Variants in TPD52 observed in about 807,000 individuals in gnomAD.
The protein encoded by TPD52 is tumor protein D52, also known as prostate and colon associated protein.
A neutral mutation model predicts 31.3 loss-of-function variants in TPD52; 17 were observed. The observed-to-expected ratio is 0.54, with a 90% CI of 0.37 to 0.82. The LOEUF (loss-of-function observed/expected upper bound fraction) is 0.82. TPD52 is among the 40% of genes least tolerant of loss of function. The pLI is 0.00. For synonymous variants in TPD52, 83 were observed against 89.6 expected, an observed-to-expected ratio of 0.93 and a Z score of 0.42; for missense variants, 212 against 240.1, an observed-to-expected ratio of 0.88 and a Z score of 0.77.
intron 1 of TPD52, among the ~76,000 whole-genome samples, chr8:80,133,292 C>T (rs1425275571): frequency 2.0e-5 from 3 of 152,068 alleles, no homozygotes; most frequent in Admixed American, 2.0e-4. Context: ...CTTAGGATAC[C>T]ACTTAGGCAA....
chr8:80,037,682 A>G lies in TPD52; in HGVS notation c.*434T>C, dbSNP rs1347246082. The G allele has an allele frequency of 6.5e-6, 1 of 152,946 alleles. No homozygotes were observed. The highest frequency in any genetic ancestry group is 1.5e-5 in the Non-Finnish European group (1 of 68,530). 9.5% of individuals were successfully genotyped at this position (152,946 alleles called of 1,614,324 possible). On this transcript the variant is annotated 3_prime_UTR_variant, in exon 8 of 8. Transcript: ENST00000518937. ...CCCAAACTTTTAATTACCAGGATTC[A>G]GAATATTTAAGAGAACAATTTTAGT...
At chr8:80,052,068 T>G (rs1261285395) in intron 3 of TPD52, among the ~76,000 whole-genome samples, 1 of 152,248 alleles carries the variant, frequency 6.6e-6, no homozygotes, top group Non-Finnish European at 1.5e-5. Flanking sequence ...AATTAGTAGC[T>G]GGCGTAAGTA....
chr8:80,171,333 G>A (rs1201342405), intron 1 of TPD52, 92 bp downstream of exon 1: 4 of 1,534,112 alleles, frequency 2.6e-6, no homozygotes, highest in Non-Finnish European at 3.5e-6. Flanking sequence ...TGCTCGAGCC[G>A]CCGGGCCGCG....
At position 80,150,858 on chromosome 8, in the gene TPD52, C is replaced by T. The variant is rs368938820; in HGVS notation, c.19+20567G>A. ...GCCTTGTCTCAGATGAGACTTTAGA[C>T]CGTGGACTTTTGAGTTAATGATGAA... On this transcript the variant is annotated intron_variant, in intron 1 of 7. Coordinates refer to ENST00000518937, the MANE Select transcript of TPD52 (RefSeq NM_001025253.3). Among the ~76,000 whole-genome samples the T allele has an allele frequency of 4.6e-5, 7 of 152,124 alleles. No homozygotes were observed. In the South Asian group the frequency reaches 6.2e-4, roughly 14 times the overall value.
chr8:80,076,355 G>T (rs755070224), intron 1 of TPD52, among the ~76,000 whole-genome samples: 24 of 152,176 alleles, frequency 1.6e-4, no homozygotes, highest in Non-Finnish European at 3.4e-4. Flanking sequence ...TCCTTTGCAA[G>T]AACATGGATG....
At chr8:80,157,464 C>G (rs958909949) in intron 1 of TPD52, among the ~76,000 whole-genome samples, 1 of 152,080 alleles carries the variant, frequency 6.6e-6, no homozygotes, top group African/African-American at 2.4e-5. Flanking sequence ...CAGGCTTGGC[C>G]GATAGGTTTC....
At chr8:80,099,601 C>T (rs1806587524) in intron 1 of TPD52, among the ~76,000 whole-genome samples, 1 of 150,050 alleles carries the variant, frequency 6.7e-6, no homozygotes, top group South Asian at 2.1e-4. Flanking sequence ...ACCTCCGCCT[C>T]CCAGGTTCAA....
intron 1 of TPD52, among the ~76,000 whole-genome samples, chr8:80,076,638 GC>G (rs1814572499): frequency 6.6e-6 from 1 of 151,962 alleles, no homozygotes; most frequent in Admixed American, 6.6e-5. Flanking sequence ...CATATAAGAA[GC>G]CTGTACATGC....
At chr8:80,106,033 G>A (rs1807086192) in intron 1 of TPD52, among the ~76,000 whole-genome samples, 1 of 152,104 alleles carries the variant, frequency 6.6e-6, no homozygotes, top group Non-Finnish European at 1.5e-5. Flanking sequence ...TCATGAATGG[G>A]TTTTGCTCTG....
chr8:80,171,115 C>A, intron 1 of TPD52: 1 of 669,904 alleles, frequency 1.5e-6, no homozygotes, highest in Non-Finnish European at 2.7e-6. Flanking sequence ...GGCTTTCCAC[C>A]CAAAGCGCAT....
chr8:80,161,020 G>A (rs1209837532), intron 1 of TPD52, among the ~76,000 whole-genome samples: 1 of 151,536 alleles, frequency 6.6e-6, no homozygotes, highest in African/African-American at 2.4e-5. Flanking sequence ...CTCAATCACT[G>A]CACTCCACTG....
intron 2 of TPD52, among the ~76,000 whole-genome samples, chr8:80,054,073 T>C (rs1811627379): frequency 6.6e-6 from 1 of 152,116 alleles, no homozygotes; most frequent in African/African-American, 2.4e-5. Context: ...CTTGACTAGG[T>C]GGTTAGAGGT....
chr8:80,136,013 G>A (rs1809367787), intron 1 of TPD52, among the ~76,000 whole-genome samples: 1 of 120,306 alleles, frequency 8.3e-6, no homozygotes, highest in African/African-American at 3.1e-5. Context: ...GGATAGCATT[G>A]GGAGATATAC....
chr8:80,067,725 C>T (rs1393556705), intron 1 of TPD52, among the ~76,000 whole-genome samples: 2 of 151,752 alleles, frequency 1.3e-5, no homozygotes, highest in East Asian at 1.9e-4. Flanking sequence ...AAGTAGGAGG[C>T]TGATGGTCAG....
intron 1 of TPD52, among the ~76,000 whole-genome samples, chr8:80,072,323 G>A (rs564047231): frequency 8.7e-5 from 13 of 149,514 alleles, no homozygotes; most frequent in African/African-American, 3.0e-4. Flanking sequence ...ATATATGTGT[G>A]TGTGTGTGTG....
chr8:80,053,845 AC>A (rs1811607161), intron 2 of TPD52, among the ~76,000 whole-genome samples: 1 of 152,196 alleles, frequency 6.6e-6, no homozygotes, highest in Non-Finnish European at 1.5e-5. Flanking sequence ...GTATTTGTAT[AC>A]TAAATCAAAA....
intron 1 of TPD52, among the ~76,000 whole-genome samples, chr8:80,157,056 C>T (rs1488015828): frequency 5.9e-5 from 9 of 152,098 alleles, no homozygotes; most frequent in Admixed American, 1.3e-4. Flanking sequence ...TTGAGGTTCC[C>T]GCTCCACTTT....
chr8:80,154,642 A>T (rs1341170557), intron 1 of TPD52, among the ~76,000 whole-genome samples: 5 of 151,966 alleles, frequency 3.3e-5, no homozygotes, highest in Non-Finnish European at 7.4e-5. Flanking sequence ...AAACTAATGA[A>T]GTATGATTTT....
intron 7 of TPD52, among the ~76,000 whole-genome samples, chr8:80,040,706 A>C (rs970847531): frequency 2.6e-5 from 4 of 152,226 alleles, no homozygotes; most frequent in Non-Finnish European, 4.4e-5. Flanking sequence ...GGCAGATTTC[A>C]AGGAAAGGCT....
Sources: allele counts gnomAD v4.1 joint callset (sites outside exome capture counted in the v4.1 genomes callset), GRCh38; gene constraint gnomAD v4.1.1; transcripts MANE v1.5; gene names NCBI Gene and HGNC (gene_info 2026-07-23, HGNC 2026-07-21).